EXT2: variants seen among roughly 807,000 people sequenced by gnomAD.
EXT2 encodes exostosin glycosyltransferase 2.
Under a neutral mutation model 81.6 loss-of-function variants are expected in EXT2, and 53 were observed. That is an observed-to-expected ratio of 0.65 (90% confidence interval 0.52 to 0.82). The LOEUF (loss-of-function observed/expected upper bound fraction) is 0.82. Ranked by LOEUF, EXT2 falls within the 40% of genes least tolerant of loss-of-function variation. EXT2 has a pLI of 0.00. For missense variants in EXT2, 774 were observed against 910.2 expected, an observed-to-expected ratio of 0.85 and a Z score of 1.93; for synonymous variants, 320 against 340.0, an observed-to-expected ratio of 0.94 and a Z score of 0.65.
chr11:44,225,579 G>C (rs965631327), intron 10 of EXT2, among the ~76,000 whole-genome samples: 11 of 152,238 alleles, frequency 7.2e-5, no homozygotes, highest in African/African-American at 2.7e-4. Context: ...CCACAGAGCT[G>C]AAGAACATTG....
intron 8 of EXT2, among the ~76,000 whole-genome samples, chr11:44,186,882 G>A (rs1955318659): frequency 6.6e-6 from 1 of 152,186 alleles, no homozygotes; most frequent in South Asian, 2.1e-4. Context: ...CTGATCATAT[G>A]ATTATCTGAT....
chr11:44,175,232 G>A (rs1272434661), intron 8 of EXT2, among the ~76,000 whole-genome samples: 1 of 152,288 alleles, frequency 6.6e-6, no homozygotes, highest in Non-Finnish European at 1.5e-5. Context: ...GTAAGTGAGG[G>A]AGAAGTTCAG....
chr11:44,192,168 G>T (rs1955400173), intron 8 of EXT2, among the ~76,000 whole-genome samples: 1 of 152,140 alleles, frequency 6.6e-6, no homozygotes, highest in Non-Finnish European at 1.5e-5. Context: ...TGTCTTGTCA[G>T]CAAATCTTTG....
In EXT2 at chr11:44,223,673, G is replaced by A. The variant is rs535872352; in HGVS notation, c.1663-8680G>A. Among the ~76,000 whole-genome samples, 34 of 147,422 alleles carry A rather than the reference G, an allele frequency of 2.3e-4. No homozygotes were observed. In the East Asian group the frequency reaches 4.2e-3, roughly 18 times the overall value. On this transcript the variant is annotated intron_variant, in intron 10 of 13. Transcript: ENST00000533608. The stretch of plus-strand genomic sequence containing the variant: ...TGTCTTTTTTTTTTTTTTTTGTGAC[G>A]GAGTCTCGCTCTGTCGCCTGGCGAC...
chr11:44,189,579 G>A (rs1398877770), intron 8 of EXT2, among the ~76,000 whole-genome samples: 1 of 152,094 alleles, frequency 6.6e-6, no homozygotes, highest in African/African-American at 2.4e-5. Context: ...GAAGGGGGAG[G>A]TACTACACAC....
At chr11:44,172,175 C>A (rs1342982298) in intron 8 of EXT2, among the ~76,000 whole-genome samples, 1 of 152,212 alleles carries the variant, frequency 6.6e-6, no homozygotes, top group Admixed American at 6.5e-5. Context: ...ATATTTCCAA[C>A]ACTCTGTGAG....
intron 10 of EXT2, among the ~76,000 whole-genome samples, chr11:44,209,811 C>A (rs1248322592): frequency 1.3e-5 from 2 of 152,114 alleles, no homozygotes; most frequent in African/African-American, 4.8e-5. Context: ...TCTTTGTGAG[C>A]AAATAATTGT....
chr11:44,176,445 A>G (rs889318564), intron 8 of EXT2, among the ~76,000 whole-genome samples: 1 of 152,210 alleles, frequency 6.6e-6, no homozygotes, highest in Non-Finnish European at 1.5e-5. Flanking sequence ...ATCAAGGTAT[A>G]TAACTGGAAA....
At chr11:44,119,153 T>TACAC (rs1565201217) in intron 4 of EXT2, among the ~76,000 whole-genome samples, 8 of 94,642 alleles carry the variant, frequency 8.5e-5, no homozygotes, top group Non-Finnish European at 1.2e-4. Context: ...TATATATATA[T>TACAC]ATATATATAT....
At chr11:44,216,610 G>A (rs1462049829) in intron 10 of EXT2, among the ~76,000 whole-genome samples, 2 of 152,118 alleles carry the variant, frequency 1.3e-5, no homozygotes, top group Non-Finnish European at 2.9e-5. Flanking sequence ...TAGACTTCCA[G>A]CATGTTTTTC....
At chr11:44,096,039 T>G (rs1953889612) in intron 1 of EXT2, among the ~76,000 whole-genome samples, 187 bp downstream of exon 1, 1 of 152,120 alleles carries the variant, frequency 6.6e-6, no homozygotes, top group African/African-American at 2.4e-5. Context: ...TGCCCGCTTT[T>G]GGAGCGCTCC....
In EXT2 at chr11:44,124,773, T is replaced by G; in HGVS notation, c.744-16T>G. On this transcript the variant is annotated splice_polypyrimidine_tract_variant and intron_variant, in intron 4 of 13. Transcript: ENST00000533608. ...CCAGCTGCAATTTTCCAATCACCTG[T>G]TTTTTTCCCTTGTAGTCCACGGCAA... 6.2e-7 allele frequency: 1 copy of G among 1,613,254 alleles called. No individual in the cohort carries two copies. The highest frequency in any genetic ancestry group is 8.5e-7 in the Non-Finnish European group (1 of 1,179,376).
chr11:44,244,678 G>A lies in EXT2; in HGVS notation c.*391G>A. 1 of 340,594 alleles carries A rather than the reference G, an allele frequency of 2.9e-6. No individual in the cohort carries two copies. Among genetic ancestry groups the A allele is most frequent in the Non-Finnish European group, 5.5e-6 (1 of 181,200 alleles). The allele number at this position is 340,594 out of a possible 1,614,324, so 21.1% of individuals were successfully genotyped here. ...AGCGTGTTAGCCCATTTGAGGTCTG[G>A]GGAATCATGTAAAGGGTACCCAGAC... is the stretch of plus-strand genomic sequence containing the variant. On this transcript the variant is annotated 3_prime_UTR_variant, in exon 14 of 14. Transcript: ENST00000533608.
chr11:44,247,300 GCAA>G lies in EXT2; in HGVS notation c.*3017_*3019del, dbSNP rs10550006. ...TTGCTCTTGTCACCCAGGCTGGAGTGCAACAATAGCATGGTCTCGGCTCACTAC... is the reference window on the plus strand; with the variant it reads ...TTGCTCTTGTCACCCAGGCTGGAGTGCAATAGCATGGTCTCGGCTCACTAC... On this transcript the variant is annotated 3_prime_UTR_variant, in exon 14 of 14. Transcript: ENST00000533608. 0.9 allele frequency among the ~76,000 whole-genome samples: 131,518 copies of G among 146,702 alleles called. 59,039 individuals carry two copies. The highest frequency in any genetic ancestry group is 0.99 in the East Asian group (4,900 of 4,958).
rs77833115 is a variant in EXT2 at position 44,149,459 on chromosome 11, G to A, written c.1173+19321G>A. On this transcript the variant is annotated intron_variant, in intron 7 of 13. Transcript: ENST00000533608. ...GTATCCTTTCTCTGATGATAACTAG[G>A]TTTTTAAACTCTTTATAGGAATCAA... 4.8e-3 allele frequency among the ~76,000 whole-genome samples: 727 copies of A among 152,184 alleles called. 5 individuals are homozygous for A. The highest frequency in any genetic ancestry group is 0.03 in the East Asian group (158 of 5,186).
At chr11:44,225,809 T>C (rs1955832605) in intron 10 of EXT2, among the ~76,000 whole-genome samples, 1 of 152,180 alleles carries the variant, frequency 6.6e-6, no homozygotes, top group Non-Finnish European at 1.5e-5. Context: ...TTCTCATCTG[T>C]GCAATGAGGG....
chr11:44,100,313 G>A (rs965711147), intron 1 of EXT2, among the ~76,000 whole-genome samples: 9 of 152,196 alleles, frequency 5.9e-5, no homozygotes, highest in African/African-American at 1.7e-4. Flanking sequence ...CTGTGAGATA[G>A]TATTGTGAAA....
rs1211196552 is a variant in EXT2 at position 44,206,893 on chromosome 11, A to G, written c.1596A>G (p.Glu532=). ...RFFPYDEIET[E]AVLAIDDDII... ...TCCCTTATGATGAAATCGAGACAGA[A>G]GCTGTTCTGGCCATTGATGATGATA... is the stretch of plus-strand genomic sequence containing the variant. The change falls in exon 10 of 14, where the codon GAA becomes GAG. Residue 532 remains glutamate, a synonymous_variant. Transcript: ENST00000533608. 2 of 1,614,158 alleles carry G rather than the reference A, an allele frequency of 1.2e-6. No homozygotes were observed. Among genetic ancestry groups the G allele is most frequent in the South Asian group, 1.1e-5 (1 of 91,088 alleles).
chr11:44,117,039 G>A (rs1354275193), intron 4 of EXT2, among the ~76,000 whole-genome samples: 8 of 148,108 alleles, frequency 5.4e-5, no homozygotes, highest in East Asian at 3.9e-4. Flanking sequence ...GCGTGATCTC[G>A]GCTCACCAAA....
Sources: allele counts gnomAD v4.1 joint callset (sites outside exome capture counted in the v4.1 genomes callset), GRCh38; gene constraint gnomAD v4.1.1; transcripts MANE v1.5; gene names NCBI Gene and HGNC (gene_info 2026-07-23, HGNC 2026-07-21).